Variants in UTRN observed in about 807,000 individuals in gnomAD.
The protein encoded by UTRN is dystrophin-related protein 1.
Under a neutral mutation model 463.9 loss-of-function variants are expected in UTRN, and 283 were observed. The ratio of observed to expected loss-of-function variants is 0.61; its 90% CI spans 0.55 to 0.67. The LOEUF (loss-of-function observed/expected upper bound fraction) is 0.67. UTRN is among the 30% of genes least tolerant of loss of function. The pLI is 0.00. For missense variants in UTRN, 3,922 were observed against 4,084.3 expected, an observed-to-expected ratio of 0.96 and a Z score of 1.08; for synonymous variants, 1,442 against 1,431.5, an observed-to-expected ratio of 1.01 and a Z score of -0.17.
chr6:144,694,545 T>C (rs1783780804), intron 52 of UTRN, among the ~76,000 whole-genome samples: 1 of 152,124 alleles, frequency 6.6e-6, no homozygotes, highest in South Asian at 2.1e-4. Flanking sequence ...TGGTAAGCTA[T>C]TTATTACTGA....
At chr6:144,460,358 A>T (rs1789289902) in intron 21 of UTRN, among the ~76,000 whole-genome samples, 1 of 152,224 alleles carries the variant, frequency 6.6e-6, no homozygotes, top group African/African-American at 2.4e-5. Context: ...GCATTGTGTG[A>T]AATGCTCCAC....
intron 53 of UTRN, among the ~76,000 whole-genome samples, chr6:144,720,704 C>T (rs1374703270): frequency 1.3e-5 from 2 of 152,194 alleles, no homozygotes; most frequent in African/African-American, 4.8e-5. Context: ...GAGTTGCTTT[C>T]CACCTTATTA....
chr6:144,432,285 T>C lies in UTRN; in HGVS notation c.855+2544T>C, dbSNP rs530264991. Among the ~76,000 whole-genome samples the C allele has an allele frequency of 6.0e-4, 92 of 152,218 alleles. 3 individuals carry two copies. Among genetic ancestry groups the C allele is most frequent in the Admixed American group, 6.0e-3 (91 of 15,282 alleles). On this transcript the variant is annotated intron_variant, in intron 9 of 74. Coordinates refer to ENST00000367545, the MANE Select transcript of UTRN (RefSeq NM_007124.3). ...ACCATTATATGGCAGCCTGCACATT[T>C]TTCCTCAGTTTAAATGGAGCCTTTT...
intron 60 of UTRN, among the ~76,000 whole-genome samples, chr6:144,776,711 T>G (rs1419941948): frequency 6.6e-6 from 1 of 152,308 alleles, no homozygotes; most frequent in East Asian, 1.9e-4. Flanking sequence ...TGGCAAACTC[T>G]GTATTCCATT....
chr6:144,795,300 T>C (rs2128744514), intron 63 of UTRN, among the ~76,000 whole-genome samples: 1 of 152,340 alleles, frequency 6.6e-6, no homozygotes, highest in East Asian at 1.9e-4. Context: ...GTTCCAACTC[T>C]TTGCTATTGT....
rs142435290 is a variant in UTRN at position 144,384,867 on chromosome 6, A to G, written c.80-18256A>G. ...TTTTGTGAATAGCGTTCCTATTAAC[A>G]TGGATGTACAAATATCTCTGAGATT... On this transcript the variant is annotated intron_variant, in intron 2 of 74. Coordinates refer to ENST00000367545, the MANE Select transcript of UTRN (RefSeq NM_007124.3). 2.4e-3 allele frequency among the ~76,000 whole-genome samples: 363 copies of G among 152,328 alleles called. 3 individuals carry two copies. Among genetic ancestry groups the G allele is most frequent in the Middle Eastern group, 0.014 (4 of 294 alleles).
intron 50 of UTRN, among the ~76,000 whole-genome samples, chr6:144,572,238 T>G (rs1332524658): frequency 6.6e-6 from 1 of 152,130 alleles, no homozygotes; most frequent in Non-Finnish European, 1.5e-5. Context: ...TGCTTCTTCC[T>G]GGGCTGGATC....
At chr6:144,817,870 CT>C (rs1437135390) in intron 65 of UTRN, among the ~76,000 whole-genome samples, 1 of 152,098 alleles carries the variant, frequency 6.6e-6, no homozygotes, top group Non-Finnish European at 1.5e-5. Context: ...TGTGTACTAA[CT>C]TTTAAAAACA....
At chr6:144,461,520 A>C (rs1789407867) in intron 22 of UTRN, among the ~76,000 whole-genome samples, 178 bp downstream of exon 22, 3 of 152,388 alleles carry the variant, frequency 2.0e-5, no homozygotes, top group South Asian at 2.1e-4. Context: ...AAGTACAGTT[A>C]TTAAAAATTT....
intron 2 of UTRN, among the ~76,000 whole-genome samples, chr6:144,399,588 T>C (rs1024024372): frequency 6.6e-6 from 1 of 152,190 alleles, no homozygotes; most frequent in African/African-American, 2.4e-5. Flanking sequence ...ACTCATGTTA[T>C]GTTAGTGTCA....
chr6:144,756,649 C>T (rs899459285), intron 57 of UTRN, among the ~76,000 whole-genome samples: 1 of 152,138 alleles, frequency 6.6e-6, no homozygotes, highest in African/African-American at 2.4e-5. Context: ...GGTGCCAACA[C>T]TGAAATGAGG....
intron 33 of UTRN, among the ~76,000 whole-genome samples, chr6:144,494,349 C>G (rs868238377): frequency 1.3e-4 from 19 of 151,986 alleles, no homozygotes; most frequent in Admixed American, 2.0e-4. Context: ...GGCAGCGCAT[C>G]TGGAGTTGTT....
rs76784038 is a variant in UTRN, at chr6:144,637,023, C to G, written c.7480-41383C>G. ...CTTCATTGACACCCAGCCTGAAGTGCAGTGATGTGATCTTGGCTCACTGCA... is the reference window on the plus strand; with the variant it reads ...CTTCATTGACACCCAGCCTGAAGTGGAGTGATGTGATCTTGGCTCACTGCA... On this transcript the variant is annotated intron_variant, in intron 51 of 74. Coordinates refer to ENST00000367545, the MANE Select transcript of UTRN (RefSeq NM_007124.3). Among the ~76,000 whole-genome samples, 324 of 152,212 alleles carry G rather than the reference C, an allele frequency of 2.1e-3. 9 individuals carry two copies. In the East Asian group the frequency reaches 0.05, roughly 24 times the overall value.
intron 47 of UTRN, among the ~76,000 whole-genome samples, chr6:144,549,506 A>G (rs1448403394): frequency 6.6e-6 from 1 of 152,244 alleles, no homozygotes; most frequent in African/African-American, 2.4e-5. Context: ...CTTGTGAGAT[A>G]GGTACTGTTT....
chr6:144,673,809 C>CTT (rs954343413), intron 51 of UTRN, among the ~76,000 whole-genome samples: 6 of 152,028 alleles, frequency 3.9e-5, no homozygotes, highest in African/African-American at 1.4e-4. Flanking sequence ...TTTGGAGCAC[C>CTT]TTTTATGATT....
chr6:144,602,173 C>T (rs1053703124), intron 51 of UTRN, among the ~76,000 whole-genome samples: 7 of 151,808 alleles, frequency 4.6e-5, no homozygotes, highest in Non-Finnish European at 5.9e-5. Flanking sequence ...CTGTTGTCAA[C>T]GAGGCTGGAG....
intron 1 of UTRN, among the ~76,000 whole-genome samples, chr6:144,287,359 G>A (rs1803788435): frequency 6.6e-6 from 1 of 152,078 alleles, no homozygotes; most frequent in Non-Finnish European, 1.5e-5. Flanking sequence ...TCCCTGGAGC[G>A]CTTCCGAGTG....
At chr6:144,845,126 A>C (rs992241508) in intron 73 of UTRN, among the ~76,000 whole-genome samples, 4 of 152,138 alleles carry the variant, frequency 2.6e-5, no homozygotes, top group African/African-American at 7.2e-5. Context: ...TGGCCTTTTA[A>C]AGTCTTTTTA....
At chr6:144,652,812 A>G (rs796568695) in intron 51 of UTRN, among the ~76,000 whole-genome samples, 4 of 152,302 alleles carry the variant, frequency 2.6e-5, no homozygotes, top group African/African-American at 7.2e-5. Flanking sequence ...TGACCAGCCC[A>G]CTGCTGCAGA....
Sources: gnomAD v4.1 joint callset for allele counts (sites outside exome capture counted in the v4.1 genomes callset) on GRCh38, gnomAD v4.1.1 for gene constraint, MANE v1.5 for transcripts, NCBI Gene and HGNC (gene_info 2026-07-23, HGNC 2026-07-21) for gene names.